ANKRD62: variants seen among roughly 807,000 people sequenced by gnomAD.
The protein encoded by ANKRD62 is ankyrin repeat domain-containing protein 62.
Under a neutral mutation model 98.8 loss-of-function variants are expected in ANKRD62, and 61 were observed. That is an observed-to-expected ratio of 0.62 (90% CI 0.50 to 0.76). The LOEUF (loss-of-function observed/expected upper bound fraction) is 0.76. ANKRD62 is among the 30% of genes least tolerant of loss of function. The pLI is 0.00. For missense variants in ANKRD62, 933 were observed against 1,082.9 expected, an observed-to-expected ratio of 0.86 and a Z score of 1.94; for synonymous variants, 341 against 367.9, an observed-to-expected ratio of 0.93 and a Z score of 0.84.
At chr18:12,121,493 A>G (rs1286340026) in intron 10 of ANKRD62, among the ~76,000 whole-genome samples, 4 of 151,880 alleles carry the variant, frequency 2.6e-5, no homozygotes, top group African/African-American at 9.7e-5. Context: ...CATTTTTTTC[A>G]TTATTCCACT....
chr18:12,180,753 C>A, the ANKRD62 span, among the ~76,000 whole-genome samples: 15 of 152,218 alleles, frequency 9.9e-5, no homozygotes, highest in East Asian at 2.9e-3. Context: ...AAAAATATGA[C>A]CAATTCTATA....
intron 5 of ANKRD62, among the ~76,000 whole-genome samples, chr18:12,098,876 T>C (rs566818946): frequency 8.0e-4 from 122 of 152,324 alleles, no homozygotes; most frequent in African/African-American, 2.8e-3. Context: ...TTAGAGTCTA[T>C]AGAGGAAAAA....
the ANKRD62 span, among the ~76,000 whole-genome samples, chr18:12,146,449 G>C: frequency 6.6e-6 from 1 of 152,082 alleles, no homozygotes; most frequent in African/African-American, 2.4e-5. Context: ...TTTTGGGGGG[G>C]CGTGTGTGTG....
intron 7 of ANKRD62, among the ~76,000 whole-genome samples, chr18:12,105,991 G>A (rs78638149): frequency 0.21 from 31,648 of 152,162 alleles, 4,259 homozygotes; most frequent in East Asian, 0.55. Flanking sequence ...CAATGACTGA[G>A]AAGTGCTATA....
chr18:12,107,514 A>G, intron 8 of ANKRD62, 47 bp downstream of exon 8: 1 of 1,291,582 alleles, frequency 7.7e-7, no homozygotes, highest in Non-Finnish European at 9.9e-7. Context: ...TAATTGTACT[A>G]TAAAATGAAT....
the ANKRD62 span, among the ~76,000 whole-genome samples, chr18:12,172,427 G>A: frequency 9.1e-4 from 138 of 152,282 alleles, no homozygotes; most frequent in African/African-American, 3.1e-3. Context: ...CTGTTTGCCT[G>A]GGTATCACTA....
At chr18:12,131,101 G>T (rs9954553), downstream of ANKRD62, among the ~76,000 whole-genome samples, 51,649 of 152,034 alleles carry the variant, frequency 0.34, 9,202 homozygotes, top group Middle Eastern at 0.41. Flanking sequence ...GTATCATGCG[G>T]GTGCTCAAAA....
chr18:12,160,981 A>C, the ANKRD62 span, among the ~76,000 whole-genome samples: 1 of 152,154 alleles, frequency 6.6e-6, no homozygotes, highest in Non-Finnish European at 1.5e-5. Flanking sequence ...GCTGATGCTG[A>C]AAAGTGCTCA....
chr18:12,131,099 C>A (rs1321563717), downstream of ANKRD62, among the ~76,000 whole-genome samples: 1 of 152,164 alleles, frequency 6.6e-6, no homozygotes, highest in African/African-American at 2.4e-5. Flanking sequence ...TGGTATCATG[C>A]GGGTGCTCAA....
the ANKRD62 span, among the ~76,000 whole-genome samples, chr18:12,153,866 C>T: frequency 6.6e-6 from 1 of 152,142 alleles, no homozygotes; most frequent in Admixed American, 6.5e-5. Flanking sequence ...GAAAGATTCC[C>T]TATTCAGTAA....
chr18:12,163,042 T>C, the ANKRD62 span, among the ~76,000 whole-genome samples: 2 of 152,206 alleles, frequency 1.3e-5, no homozygotes, highest in African/African-American at 4.8e-5. Flanking sequence ...TTTTTTCTTT[T>C]ACTGTGAAGA....
At chr18:12,165,525 A>G in the ANKRD62 span, among the ~76,000 whole-genome samples, 1 of 152,080 alleles carries the variant, frequency 6.6e-6, no homozygotes, top group Non-Finnish European at 1.5e-5. Context: ...ACACAAAAAA[A>G]CTAATAAAAA....
At chr18:12,117,386 C>A (rs1477115784) in intron 10 of ANKRD62, among the ~76,000 whole-genome samples, 1 of 152,096 alleles carries the variant, frequency 6.6e-6, no homozygotes, top group Non-Finnish European at 1.5e-5. Flanking sequence ...TTTACGTAAA[C>A]CTATTGTGTG....
downstream of ANKRD62, among the ~76,000 whole-genome samples, chr18:12,130,680 T>C (rs1005631711): frequency 3.4e-4 from 52 of 152,062 alleles, no homozygotes; most frequent in African/African-American, 1.2e-3. Flanking sequence ...TTACTTTTTT[T>C]TTTTTTGCCT....
the ANKRD62 span, among the ~76,000 whole-genome samples, chr18:12,171,273 T>C: frequency 6.6e-6 from 1 of 152,240 alleles, no homozygotes; most frequent in Non-Finnish European, 1.5e-5. Context: ...CAGTGGCTGG[T>C]ACCGGTTGTT....
the ANKRD62 span, among the ~76,000 whole-genome samples, chr18:12,170,760 A>T: frequency 7.2e-5 from 11 of 152,246 alleles, no homozygotes; most frequent in South Asian, 2.3e-3. Flanking sequence ...ATTGTGTGAG[A>T]GTCTAAGTCT....
At chr18:12,119,570 T>G (rs1035770191) in intron 10 of ANKRD62, among the ~76,000 whole-genome samples, 1 of 152,130 alleles carries the variant, frequency 6.6e-6, no homozygotes, top group East Asian at 1.9e-4. Context: ...CTCTGAGGTG[T>G]GTTGTGTAAG....
intron 6 of ANKRD62, chr18:12,102,852 A>G (rs1439385524): frequency 1.1e-6 from 1 of 886,090 alleles, no homozygotes; most frequent in Non-Finnish European, 1.4e-6. Context: ...GGATTTTCAA[A>G]TTTTGTTTTT....
At position 12,103,222 on chromosome 18, in the gene ANKRD62, G is replaced by A; in HGVS notation, c.885G>A (p.Gln295=). Residue 295 remains glutamine (Q), a synonymous_variant, in exon 7 of 14, where the codon CAG becomes CAA. Transcript: ENST00000587848. ...GGCTTGAAGGATGTGAAAGTAGCCA[G>A]CCACAGGTATGTAAAAATTTAATTT... is the stretch of plus-strand genomic sequence containing the variant. ...QERLEGCESS[Q]PQVEEKMKKC... 1 of 1,348,916 alleles carries A rather than the reference G, an allele frequency of 7.4e-7. No individual in the cohort carries two copies. Among genetic ancestry groups the A allele is most frequent in the African/African-American group, 1.5e-5 (1 of 66,794 alleles). 83.6% of individuals were successfully genotyped at this position (1,348,916 alleles called of 1,614,324 possible).
Sources: allele counts gnomAD v4.1 joint callset (sites outside exome capture counted in the v4.1 genomes callset), GRCh38; gene constraint gnomAD v4.1.1; transcripts MANE v1.5; gene names NCBI Gene and HGNC (gene_info 2026-07-23, HGNC 2026-07-21).